The following ATRN variants were observed in gnomAD, a reference collection of about 807,000 sequenced individuals.
ATRN encodes the protein attractin.
A neutral mutation model predicts 178.7 loss-of-function variants in ATRN; 54 were observed. The ratio of observed to expected loss-of-function variants is 0.30; its 90% confidence interval spans 0.24 to 0.38. ATRN has a LOEUF of 0.38. Among genes scored for constraint, ATRN ranks in the 10% least tolerant of loss-of-function variants. The pLI is 1.00. For missense variants in ATRN, 1,443 were observed against 1,815.1 expected (o/e 0.79, Z 3.73); for synonymous variants, 636 against 663.0 (o/e 0.96, Z 0.63).
At position 3,529,638 on chromosome 20, in the gene ATRN, G is replaced by A. The variant is rs114307969; in HGVS notation, c.411-5615G>A. ...AAAGATAAGATCAATGTTTGAGGTG[G>A]AGGTTGGGAGAGATTACCTGGAGAG... On this transcript the variant is annotated intron_variant, in intron 1 of 28. Coordinates refer to ENST00000262919, the MANE Select transcript of ATRN (RefSeq NM_139321.3). Among the ~76,000 whole-genome samples, 451 of 152,312 alleles carry A rather than the reference G, an allele frequency of 3.0e-3. 1 individual carries two copies. The highest frequency in any genetic ancestry group is 0.01 in the African/African-American group (432 of 41,580).
intron 1 of ATRN, among the ~76,000 whole-genome samples, chr20:3,528,813 T>C (rs2085410479): frequency 6.6e-6 from 1 of 152,000 alleles, no homozygotes; most frequent in South Asian, 2.1e-4. Flanking sequence ...CTCAGAATCT[T>C]TTTTATCTTA....
chr20:3,565,497 G>A (rs1402070572), intron 11 of ATRN, 65 bp downstream of exon 11: 2 of 1,399,058 alleles, frequency 1.4e-6, no homozygotes, highest in African/African-American at 1.4e-5. Flanking sequence ...GCCGGGCACG[G>A]TGGCTCACGC....
At chr20:3,521,885 G>C (rs932879365) in intron 1 of ATRN, among the ~76,000 whole-genome samples, 1 of 152,070 alleles carries the variant, frequency 6.6e-6, no homozygotes, top group African/African-American at 2.4e-5. Context: ...GGGCTCAAAT[G>C]ATTCTCTCAC....
At chr20:3,483,242 T>G (rs1229482195) in intron 1 of ATRN, among the ~76,000 whole-genome samples, 2 of 152,208 alleles carry the variant, frequency 1.3e-5, no homozygotes, top group African/African-American at 2.4e-5. Flanking sequence ...TTCTAGTGGA[T>G]TCATAGTTAA....
rs1276175696 is a variant in ATRN, at chr20:3,582,137, C to G, written c.2547C>G (p.Ser849=). ...LRIMQSSQSM[S]KLTLTPWVGL... The stretch of plus-strand genomic sequence containing the variant: ...AGTTGTGTCTCTTTTGCCTTTAGTC[C>G]AAGCTCACCTTAACCCCATGGGTCG... The change falls in exon 16 of 29, where the codon TCC becomes TCG. Residue 849 remains serine (S), a splice_region_variant and synonymous_variant. Coordinates refer to ENST00000262919, the MANE Select transcript of ATRN (RefSeq NM_139321.3). The G allele has an allele frequency of 1.2e-6, 2 of 1,613,500 alleles. No individual in the cohort carries two copies. The highest frequency in any genetic ancestry group is 4.5e-5 in the East Asian group (2 of 44,882).
At position 3,601,164 on chromosome 20, in the gene ATRN, G is replaced by A; in HGVS notation, c.3643+140G>A. 3 of 654,214 alleles carry A rather than the reference G, an allele frequency of 4.6e-6. No individual in the cohort carries two copies. The Middle Eastern group carries it at 7.9e-4, about 173-fold the overall frequency. 40.5% of individuals were successfully genotyped at this position (654,214 alleles called of 1,614,324 possible). A position where few individuals can be genotyped will look rare whatever the true frequency, so the allele number is the denominator to read the frequency against. Reference sequence around the variant, plus strand: ...CCACTTACTAGCTATGAGACCTTGAGCAAGTATCTAAATCCCTCTCTAAAC... The same window carrying A: ...CCACTTACTAGCTATGAGACCTTGAACAAGTATCTAAATCCCTCTCTAAAC... On this transcript the variant is annotated intron_variant, in intron 23 of 28. Coordinates refer to ENST00000262919, the MANE Select transcript of ATRN (RefSeq NM_139321.3).
chr20:3,590,460 G>T (rs2146270574), intron 18 of ATRN, among the ~76,000 whole-genome samples: 1 of 152,240 alleles, frequency 6.6e-6, no homozygotes, highest in African/African-American at 2.4e-5. Flanking sequence ...TGCACAGCCT[G>T]TGCAGCTGTC....
intron 1 of ATRN, among the ~76,000 whole-genome samples, chr20:3,498,676 C>T (rs577237759): frequency 8.5e-5 from 13 of 152,170 alleles, no homozygotes; most frequent in South Asian, 4.1e-4. Context: ...ATTGATGGGA[C>T]GTATTTCAAA....
chr20:3,592,940 C>T (rs2086470919), intron 19 of ATRN, among the ~76,000 whole-genome samples: 1 of 152,190 alleles, frequency 6.6e-6, no homozygotes, highest in African/African-American at 2.4e-5. Context: ...ATGTTTTCCC[C>T]ACTCTTTGTG....
At chr20:3,485,279 G>C (rs1413781670) in intron 1 of ATRN, among the ~76,000 whole-genome samples, 2 of 152,098 alleles carry the variant, frequency 1.3e-5, no homozygotes, top group Non-Finnish European at 2.9e-5. Context: ...AATAAGTTGT[G>C]ACAGTTTACT....
At chr20:3,555,238 C>T (rs1157552286) in intron 6 of ATRN, among the ~76,000 whole-genome samples, 5 of 151,910 alleles carry the variant, frequency 3.3e-5, no homozygotes, top group South Asian at 2.1e-4. Flanking sequence ...CTCCTGACCT[C>T]GTGATCCACC....
At chr20:3,592,399 C>CAAAAAA (rs531945964) in intron 19 of ATRN, 1 of 507,216 alleles carries the variant, frequency 2.0e-6, no homozygotes, top group Non-Finnish European at 2.3e-6. Flanking sequence ...GACTCAGTCT[C>CAAAAAA]AAAAAAAAAA....
At chr20:3,520,595 A>G (rs1229569219) in intron 1 of ATRN, among the ~76,000 whole-genome samples, 1 of 152,080 alleles carries the variant, frequency 6.6e-6, no homozygotes, top group Non-Finnish European at 1.5e-5. Context: ...CCTGGGTTCA[A>G]ATGATTCTTG....
intron 11 of ATRN, among the ~76,000 whole-genome samples, chr20:3,571,310 T>C (rs949294742): frequency 3.9e-5 from 6 of 152,226 alleles, no homozygotes; most frequent in Non-Finnish European, 8.8e-5. Context: ...CACAAAAAAA[T>C]TTGCCCTCTG....
chr20:3,644,424 C>T (rs1409692454), intron 28 of ATRN, among the ~76,000 whole-genome samples, 156 bp downstream of exon 28: 1 of 152,238 alleles, frequency 6.6e-6, no homozygotes, highest in African/African-American at 2.4e-5. Context: ...CCCATTTTCA[C>T]CTATATGCCC....
At chr20:3,553,207 C>A (rs950662721) in intron 6 of ATRN, among the ~76,000 whole-genome samples, 2 of 152,090 alleles carry the variant, frequency 1.3e-5, no homozygotes, top group African/African-American at 4.8e-5. Flanking sequence ...ATTGTGCCTT[C>A]TGCTGTTATA....
rs181362527 is a variant in ATRN, at chr20:3,641,047, A to C, written c.4050+2112A>C. Among the ~76,000 whole-genome samples, 9 of 152,342 alleles carry C rather than the reference A, an allele frequency of 5.9e-5. No individual in the cohort carries two copies. In the East Asian group the frequency reaches 1.7e-3, roughly 29 times the overall value. On this transcript the variant is annotated intron_variant, in intron 27 of 28. Coordinates refer to ENST00000262919, the MANE Select transcript of ATRN (RefSeq NM_139321.3). Reference sequence around the variant, plus strand: ...GTATGATTACACTTTTAAGAGATACACTTGTGGTAGTCAAGCTCATAAAGA... The same window carrying C: ...GTATGATTACACTTTTAAGAGATACCCTTGTGGTAGTCAAGCTCATAAAGA...
At chr20:3,576,695 G>GTCTGTCTATCTATCTATCTATCTA (rs11472378) in intron 13 of ATRN, among the ~76,000 whole-genome samples, 164 bp from the exon 14 acceptor site, 27 of 142,386 alleles carry the variant, frequency 1.9e-4, no homozygotes, top group Admixed American at 6.4e-4. Context: ...CTGTCTGTCT[G>GTCTGTCTATCTATCTATCTATCTA]TCTATCTATC....
At position 3,549,243 on chromosome 20, in the gene ATRN, C is replaced by T. The variant is rs757649933; in HGVS notation, c.1017C>T (p.Leu339=). The stretch of plus-strand genomic sequence containing the variant: ...GAGAGGAATATTCTAACTTAAAGCT[C>T]CCCAGAGCATCTCATAAAGCTGTGG... ...WTREEYSNLK[L]PRASHKAVVN... The change falls in exon 6 of 29, where the codon CTC becomes CTT. Residue 339 remains leucine (L), a synonymous_variant. Transcript: ENST00000262919. 5.0e-6 allele frequency: 8 copies of T among 1,610,672 alleles called. No homozygotes were observed. Among genetic ancestry groups the T allele is most frequent in the Non-Finnish European group, 6.8e-6 (8 of 1,178,670 alleles).
Sources: gnomAD v4.1 joint callset for allele counts (sites outside exome capture counted in the v4.1 genomes callset) on GRCh38, gnomAD v4.1.1 for gene constraint, MANE v1.5 for transcripts, NCBI Gene and HGNC (gene_info 2026-07-23, HGNC 2026-07-21) for gene names.